Variants in CDKN2B-AS1 observed in about 807,000 individuals in gnomAD.
CDKN2B-AS1 encodes CDKN2B and CDKN2A antisense cis and trans regulatory RNA 1, also known as CDKN2B antisense RNA 1 (non-protein coding).
chr9:22,061,610 G>A (rs1823822401), intron 4 of CDKN2B-AS1, among the ~76,000 whole-genome samples: 3 of 152,234 alleles, frequency 2.0e-5, no homozygotes, highest in Admixed American at 2.0e-4. Context: ...GTAAGTAGTA[G>A]TGCTATGTTT....
intron 4 of CDKN2B-AS1, among the ~76,000 whole-genome samples, chr9:22,078,523 G>A (rs1824579400): frequency 6.6e-6 from 1 of 152,316 alleles, no homozygotes; most frequent in Admixed American, 6.5e-5. Context: ...ATTTGAACAA[G>A]AGGAATAAAA....
At chr9:22,090,598 A>G (rs937050496) in intron 4 of CDKN2B-AS1, among the ~76,000 whole-genome samples, 63 of 151,972 alleles carry the variant, frequency 4.1e-4, no homozygotes, top group African/African-American at 1.5e-3. Context: ...GCAATTTTTC[A>G]TGTGTCTTTT....
In CDKN2B-AS1 at chr9:22,006,200, G is replaced by T. The variant is rs748993568; in HGVS notation, n.29+11039G>T. On this transcript the variant is annotated intron_variant and non_coding_transcript_variant, in intron 1 of 4. Coordinates refer to ENST00000650946, the Ensembl canonical transcript of CDKN2B-AS1. The surrounding 1 kb of genome is among the most constrained non-coding windows in gnomAD (Gnocchi z 6.4). ...GGTCTGCGCAGTTGGGCTCCGCGCCGTGGAGCAGCAGCAGCTCCGCCACGC... is the reference window on the plus strand; with the variant it reads ...GGTCTGCGCAGTTGGGCTCCGCGCCTTGGAGCAGCAGCAGCTCCGCCACGC... 1 of 1,608,714 alleles carries T rather than the reference G, an allele frequency of 6.2e-7. No individual in the cohort carries two copies. The highest frequency in any genetic ancestry group is 1.1e-5 in the South Asian group (1 of 91,046).
At chr9:22,021,350 G>T (rs1822011157) in intron 1 of CDKN2B-AS1, among the ~76,000 whole-genome samples, 1 of 152,128 alleles carries the variant, frequency 6.6e-6, no homozygotes, top group Admixed American at 6.5e-5. Context: ...TTTGAAGTCA[G>T]GTAATGTGAT....
chr9:22,074,104 C>T (rs377135860), intron 4 of CDKN2B-AS1, among the ~76,000 whole-genome samples: 2 of 152,132 alleles, frequency 1.3e-5, no homozygotes, highest in African/African-American at 4.8e-5. Context: ...CTCAAGTGAT[C>T]TGCTCATCTT....
rs372664976 is a variant in CDKN2B-AS1 at position 22,008,901 on chromosome 9, A to G, written n.29+13740A>G. 3 of 1,612,792 alleles carry G rather than the reference A, an allele frequency of 1.9e-6. No individual in the cohort carries two copies. The African/African-American group carries it at 4.0e-5, about 22-fold the overall frequency. ...TAGTCCCCGCGCCGCGGCGCTGGCC[A>G]GACCCTCATCGCTGCCGCCCCCACT... On this transcript the variant is annotated intron_variant and non_coding_transcript_variant, in intron 1 of 4. Coordinates refer to ENST00000650946, the Ensembl canonical transcript of CDKN2B-AS1.
chr9:22,012,621 G>GA (rs34662415), intron 1 of CDKN2B-AS1: 3,109 of 317,832 alleles, frequency 9.8e-3, no homozygotes, highest in South Asian at 0.017. Context: ...TCATTGACTG[G>GA]AAAAAAAAAA....
chr9:22,026,489 A>G (rs1375260572), intron 1 of CDKN2B-AS1, among the ~76,000 whole-genome samples: 4 of 152,212 alleles, frequency 2.6e-5, no homozygotes, highest in Admixed American at 6.5e-5. Flanking sequence ...CAAACAGCAG[A>G]GATGGGGGCC....
intron 1 of CDKN2B-AS1, chr9:22,029,522 C>T (rs756378754): frequency 2.3e-5 from 18 of 779,326 alleles, no homozygotes; most frequent in African/African-American, 2.2e-4. Flanking sequence ...ATCTGATCTC[C>T]GTCCTGGCCC....
At chr9:22,125,135 AC>A (rs1054212255) in intron 4 of CDKN2B-AS1, among the ~76,000 whole-genome samples, 5 of 152,244 alleles carry the variant, frequency 3.3e-5, no homozygotes, top group African/African-American at 1.2e-4. Flanking sequence ...TTGCTTGATA[AC>A]CAATTTTATT....
chr9:22,007,992 C>T (rs1821280811), intron 1 of CDKN2B-AS1, among the ~76,000 whole-genome samples: 1 of 152,046 alleles, frequency 6.6e-6, no homozygotes, highest in Non-Finnish European at 1.5e-5. Flanking sequence ...CTGAATATGA[C>T]CACTAGCCAA....
At chr9:22,028,992 C>A (rs150488300) in intron 1 of CDKN2B-AS1, among the ~76,000 whole-genome samples, 2 of 151,842 alleles carry the variant, frequency 1.3e-5, no homozygotes, top group Non-Finnish European at 1.5e-5. Flanking sequence ...GTTTCTCTAA[C>A]TGGCTTAATT....
intron 1 of CDKN2B-AS1, among the ~76,000 whole-genome samples, chr9:22,025,050 C>T (rs1216792466): frequency 6.6e-6 from 1 of 152,210 alleles, no homozygotes; most frequent in Non-Finnish European, 1.5e-5. Flanking sequence ...CTAGAGGGAT[C>T]GCCATCCCTG....
intron 4 of CDKN2B-AS1, among the ~76,000 whole-genome samples, chr9:22,103,160 T>C (rs1195079276): frequency 6.8e-6 from 1 of 146,254 alleles, no homozygotes; most frequent in African/African-American, 2.7e-5. Context: ...TGTGTGTGTG[T>C]GTGTGTGTGT....
intron 4 of CDKN2B-AS1, among the ~76,000 whole-genome samples, chr9:22,069,997 T>A (rs1824226082): frequency 6.6e-6 from 1 of 152,168 alleles, no homozygotes; most frequent in South Asian, 2.1e-4. Flanking sequence ...ATGTGCGTTA[T>A]CTAATACTTA....
chr9:22,090,125 G>C (rs1825022198), intron 4 of CDKN2B-AS1, among the ~76,000 whole-genome samples: 1 of 151,938 alleles, frequency 6.6e-6, no homozygotes, highest in Admixed American at 6.6e-5. Context: ...ATGGTTTCCA[G>C]CTTCATCCAT....
At chr9:22,127,888 T>C (rs1208564286) in exon 5 of CDKN2B-AS1, among the ~76,000 whole-genome samples, 2 of 152,102 alleles carry the variant, frequency 1.3e-5, no homozygotes, top group Admixed American at 6.5e-5. Flanking sequence ...GTAAGAAAAG[T>C]AGAGTGGTGA....
chr9:22,005,616 C>T lies in CDKN2B-AS1; in HGVS notation n.29+10455C>T, dbSNP rs1178426426. On this transcript the variant is annotated intron_variant and non_coding_transcript_variant, in intron 1 of 4. Coordinates refer to ENST00000650946, the Ensembl canonical transcript of CDKN2B-AS1. This position sits in a 1 kb window ranked among gnomAD's most constrained non-coding sequence, Gnocchi z 4.9. Reference sequence around the variant, plus strand: ...AATCACTGCCTTCTCCCACTCAGCGCTGGAGTGGGAGATTCATCCATCGGA... The same window carrying T: ...AATCACTGCCTTCTCCCACTCAGCGTTGGAGTGGGAGATTCATCCATCGGA... The T allele has an allele frequency of 4.5e-6, 2 of 447,492 alleles. No individual in the cohort carries two copies. Among genetic ancestry groups the T allele is most frequent in the Non-Finnish European group, 8.3e-6 (2 of 240,688 alleles). The allele number at this position is 447,492 out of a possible 1,614,324, so 27.7% of individuals were successfully genotyped here. A position where few individuals can be genotyped will look rare whatever the true frequency, so the allele number is the denominator to read the frequency against.
rs537747623 is a variant in CDKN2B-AS1, at chr9:22,008,839, C to T, written n.29+13678C>T. 5.7e-5 allele frequency: 91 copies of T among 1,609,236 alleles called. 1 individual carries two copies. In the Middle Eastern group the frequency reaches 9.9e-4, roughly 18 times the overall value. On this transcript the variant is annotated intron_variant and non_coding_transcript_variant, in intron 1 of 4. Coordinates refer to ENST00000650946, the Ensembl canonical transcript of CDKN2B-AS1. ...CCGAAACGGTTGACTCCGTTGGGAT[C>T]CGCGCCGGCTTCCAGGAGCTGTCGC...
Sources: gnomAD v4.1 joint callset for allele counts (sites outside exome capture counted in the v4.1 genomes callset) on GRCh38, gnomAD v4.1.1 for gene constraint, Gnocchi (gnomAD v3.1) non-coding constraint, MANE v1.5 for transcripts, NCBI Gene and HGNC (gene_info 2026-07-23, HGNC 2026-07-21) for gene names.